Variants in SH3RF2 observed in about 807,000 individuals in gnomAD.
SH3RF2 encodes the protein E3 ubiquitin-protein ligase SH3RF2.
A neutral mutation model predicts 59.0 loss-of-function variants in SH3RF2; 43 were observed. That is an observed-to-expected ratio of 0.73 (90% CI 0.57 to 0.94). The LOEUF is 0.94. SH3RF2 is among the 40% of genes least tolerant of loss of function. The probability of loss-of-function intolerance (pLI) is 0.00; values close to 1 mark genes in which losing one functional copy is unlikely to be tolerated. For missense variants in SH3RF2, 930 were observed against 940.1 expected (o/e 0.99, Z 0.14); for synonymous variants, 391 against 391.5 (o/e 1.00, Z 0.01).
At chr5:146,068,867 T>G (rs1344874208) in intron 9 of SH3RF2, among the ~76,000 whole-genome samples, 1 of 152,200 alleles carries the variant, frequency 6.6e-6, no homozygotes, top group African/African-American at 2.4e-5. Context: ...TCTGTACACA[T>G]ATGTAATTAT....
At chr5:146,066,081 A>G (rs1000100447), downstream of SH3RF2, among the ~76,000 whole-genome samples, 1 of 152,216 alleles carries the variant, frequency 6.6e-6, no homozygotes, top group Non-Finnish European at 1.5e-5. Flanking sequence ...GAGCCAAGGA[A>G]ACTGAAGCTT....
At chr5:146,022,802 G>A (rs1761376245) in intron 5 of SH3RF2, among the ~76,000 whole-genome samples, 2 of 151,386 alleles carry the variant, frequency 1.3e-5, no homozygotes, top group Non-Finnish European at 2.9e-5. Context: ...GAACCAGGAG[G>A]CAGAGGTTGC....
intron 2 of SH3RF2, among the ~76,000 whole-genome samples, chr5:145,951,713 T>C (rs1044904640): frequency 3.3e-5 from 5 of 152,212 alleles, no homozygotes; most frequent in Non-Finnish European, 7.3e-5. Context: ...GAAACACATC[T>C]GCCCACTCTT....
rs537405776 is a variant in SH3RF2, at chr5:146,069,545, G to A, written c.*33+6811G>A. ...TTTAATAAATTATCATAAGAACCTT[G>A]TGAGGTATGCAGGGAAATGCTTGTT... is the stretch of plus-strand genomic sequence containing the variant. On this transcript the variant is annotated intron_variant, in intron 9 of 9. Transcript: ENST00000511217. Among the ~76,000 whole-genome samples, 6 of 152,134 alleles carry A rather than the reference G, an allele frequency of 3.9e-5. No individual in the cohort carries two copies. The South Asian group carries it at 1.2e-3, about 32-fold the overall frequency.
chr5:146,057,966 C>CTATCTA (rs1554120848), intron 8 of SH3RF2, among the ~76,000 whole-genome samples: 1 of 72,924 alleles, frequency 1.4e-5, no homozygotes, highest in African/African-American at 3.9e-5. Flanking sequence ...CTCTCTCTCT[C>CTATCTA]TCTATCTATC....
In SH3RF2 at chr5:145,938,297, C is replaced by T. The variant is rs1757681897; in HGVS notation, c.369C>T (p.His123=). 2 of 1,561,656 alleles carry T rather than the reference C, an allele frequency of 1.3e-6. No homozygotes were observed. Among genetic ancestry groups the T allele is most frequent in the South Asian group, 2.4e-5 (2 of 83,466 alleles). Residue 123 remains histidine, a synonymous_variant, in exon 2 of 10, where the codon CAC becomes CAT. Coordinates refer to ENST00000359120, the MANE Select transcript of SH3RF2 (RefSeq NM_152550.4). ...GGCTAGTGCCTAATGTCAGAATCCA[C>T]ATGGATGGGGTAAGAGAGATCTTAT... is the stretch of plus-strand genomic sequence containing the variant. The part of the protein sequence containing the change: ...PFRLVPNVRI[H]MDGVPRAKAL...
chr5:146,070,024 A>G (rs190180772), intron 9 of SH3RF2, among the ~76,000 whole-genome samples: 42 of 151,880 alleles, frequency 2.8e-4, no homozygotes, highest in African/African-American at 9.9e-4. Flanking sequence ...TCCAGCAATA[A>G]TTGCCATCAT....
chr5:145,975,353 T>A (rs1173833925), intron 2 of SH3RF2, among the ~76,000 whole-genome samples: 1 of 152,218 alleles, frequency 6.6e-6, no homozygotes. Context: ...ACATGGCACA[T>A]CCCTGACTCC....
chr5:146,052,728 T>C (rs905562316), intron 7 of SH3RF2, among the ~76,000 whole-genome samples: 1 of 152,224 alleles, frequency 6.6e-6, no homozygotes, highest in Non-Finnish European at 1.5e-5. Flanking sequence ...TCTATCTGTG[T>C]GCAGGTGACC....
intron 5 of SH3RF2, among the ~76,000 whole-genome samples, chr5:146,014,479 A>T (rs1761032448): frequency 6.6e-6 from 1 of 152,210 alleles, no homozygotes; most frequent in Non-Finnish European, 1.5e-5. Context: ...GCAATGTATT[A>T]GACATCAGAT....
chr5:145,989,188 G>A (rs566036452), intron 2 of SH3RF2, among the ~76,000 whole-genome samples: 7 of 152,202 alleles, frequency 4.6e-5, no homozygotes, highest in Non-Finnish European at 8.8e-5. Context: ...AAACCTGTGT[G>A]ATTTTGCTGA....
chr5:145,949,546 T>C (rs1758115402), intron 2 of SH3RF2, among the ~76,000 whole-genome samples: 1 of 152,188 alleles, frequency 6.6e-6, no homozygotes, highest in Non-Finnish European at 1.5e-5. Flanking sequence ...AAACTTCCCT[T>C]CCCAGCTCTC....
chr5:145,951,467 A>G (rs1403759392), intron 2 of SH3RF2, among the ~76,000 whole-genome samples: 1 of 152,216 alleles, frequency 6.6e-6, no homozygotes, highest in Admixed American at 6.5e-5. Context: ...GTAGGGACTC[A>G]GTGAGTCTTC....
Position 145,990,038 on chromosome 5 carries a change from G to T in SH3RF2, c.379-10020G>T, listed in dbSNP as rs112948820. 1.2e-4 allele frequency among the ~76,000 whole-genome samples: 19 copies of T among 152,310 alleles called. 3 individuals are homozygous for T. The highest frequency in any genetic ancestry group is 4.3e-4 in the African/African-American group (18 of 41,568). On this transcript the variant is annotated intron_variant, in intron 2 of 9. Transcript: ENST00000359120. ...CTGGTTAGGACTGGTCCAGTTTCAA[G>T]TGTCAAAAAATAACTCCAAGTAATT...
chr5:145,938,438 T>C (rs1167236045), intron 2 of SH3RF2, 132 bp downstream of exon 2: 5 of 1,087,812 alleles, frequency 4.6e-6, no homozygotes, highest in Admixed American at 6.3e-5. Flanking sequence ...TAAGTTTCTG[T>C]GGGCAGTGAT....
chr5:146,035,555 A>G (rs6580404), intron 5 of SH3RF2, among the ~76,000 whole-genome samples: 50,282 of 151,976 alleles, frequency 0.33, 8,828 homozygotes, highest in Non-Finnish European at 0.39. Flanking sequence ...GTGGGGACCC[A>G]TACCCAGGGA....
chr5:146,051,195 A>G (rs1762482941), intron 7 of SH3RF2, among the ~76,000 whole-genome samples: 1 of 152,198 alleles, frequency 6.6e-6, no homozygotes, highest in South Asian at 2.1e-4. Flanking sequence ...ACAGGATTGG[A>G]TTAGAGCAAG....
Position 146,062,998 on chromosome 5 carries a change from C to T in SH3RF2, c.*297C>T. The T allele has an allele frequency of 2.4e-6, 1 of 415,446 alleles. No homozygotes were observed. Among genetic ancestry groups the T allele is most frequent in the Non-Finnish European group, 4.3e-6 (1 of 230,296 alleles). The allele number at this position is 415,446 out of a possible 1,614,324, so 25.7% of individuals were successfully genotyped here. ...TATGCCCCAGCATGGAGTATGTGGC[C>T]TCTTGTCATCCCCGTGTTACTGTGT... On this transcript the variant is annotated 3_prime_UTR_variant, in exon 10 of 10. Transcript: ENST00000359120.
intron 5 of SH3RF2, among the ~76,000 whole-genome samples, chr5:146,031,656 C>T (rs1182214514): frequency 6.6e-6 from 1 of 152,212 alleles, no homozygotes; most frequent in Non-Finnish European, 1.5e-5. Flanking sequence ...GCTGTGTCAT[C>T]ATTTTGCCTT....
Sources: allele counts gnomAD v4.1 joint callset (sites outside exome capture counted in the v4.1 genomes callset), GRCh38; gene constraint gnomAD v4.1.1; transcripts MANE v1.5; gene names NCBI Gene and HGNC (gene_info 2026-07-23, HGNC 2026-07-21).